Variants in SF3B1 observed in about 807,000 individuals in gnomAD.
SF3B1 encodes splicing factor 3b subunit 1.
Under a neutral mutation model 153.8 loss-of-function variants are expected in SF3B1, and 12 were observed. That is an observed-to-expected ratio of 0.08 (90% CI 0.05 to 0.13). SF3B1 has a LOEUF of 0.13. Among genes scored for constraint, SF3B1 ranks in the 10% least tolerant of loss-of-function variants. The pLI is 1.00. For synonymous variants in SF3B1, 498 were observed against 525.2 expected (o/e 0.95, Z 0.71); for missense variants, 513 against 1,606.1 (o/e 0.32, Z 11.63).
At chr2:197,417,360 T>G (rs1397036382) in intron 5 of SF3B1, among the ~76,000 whole-genome samples, 1 of 152,128 alleles carries the variant, frequency 6.6e-6, no homozygotes, top group Non-Finnish European at 1.5e-5. Flanking sequence ...GGATGCACAT[T>G]TAATTCACTC....
intron 9 of SF3B1, among the ~76,000 whole-genome samples, 195 bp from the exon 10 acceptor site, chr2:197,405,667 G>A (rs1281706123): frequency 3.3e-5 from 5 of 152,182 alleles, no homozygotes; most frequent in Admixed American, 2.0e-4. Flanking sequence ...GATTATATCC[G>A]TGGTGTAGGG....
At position 197,417,477 on chromosome 2, in the gene SF3B1, C is replaced by T. The variant is rs145633884; in HGVS notation, c.496-566G>A. Reference sequence around the variant, plus strand: ...AGGAGGCTGGGTACGGTGGCTCACACCTGTAATCCCAGCACTTTGAGAGGT... The same window carrying T: ...AGGAGGCTGGGTACGGTGGCTCACATCTGTAATCCCAGCACTTTGAGAGGT... On this transcript the variant is annotated intron_variant, in intron 5 of 24. Coordinates refer to ENST00000335508, the MANE Select transcript of SF3B1 (RefSeq NM_012433.4). Among the ~76,000 whole-genome samples, 517 of 151,166 alleles carry T rather than the reference C, an allele frequency of 3.4e-3. 3 individuals are homozygous for T. The highest frequency in any genetic ancestry group is 0.012 in the African/African-American group (493 of 41,126).
intron 11 of SF3B1, among the ~76,000 whole-genome samples, chr2:197,404,508 C>T (rs142887666): frequency 5.3e-5 from 8 of 151,946 alleles, no homozygotes; most frequent in East Asian, 1.9e-4. Flanking sequence ...ACCCAAGAGG[C>T]GGAGGTTGCA....
intron 6 of SF3B1, among the ~76,000 whole-genome samples, chr2:197,411,162 T>C (rs1255057993): frequency 6.6e-6 from 1 of 151,946 alleles, no homozygotes. Context: ...GGCTGAGAGG[T>C]GGGTTTAAGT....
rs2105988730 is a variant in SF3B1, at chr2:197,403,621, G to A, written c.1683C>T (p.Tyr561=). ...ATGGACGAACTAAGTCATCAAGTTTGTACAGTATCCTATCAATAACTTTCA... is the reference window on the plus strand; with the variant it reads ...ATGGACGAACTAAGTCATCAAGTTTATACAGTATCCTATCAATAACTTTCA... ...LLVKVIDRIL[Y]KLDDLVRPYV... The change falls in exon 12 of 25, where the codon TAC becomes TAT. Residue 561 remains tyrosine (Y), a synonymous_variant. Transcript: ENST00000335508. 6.3e-7 allele frequency: 1 copy of A among 1,586,912 alleles called. No individual in the cohort carries two copies. The highest frequency in any genetic ancestry group is 1.4e-5 in the African/African-American group (1 of 73,048).
chr2:197,425,308 A>C (rs1442941455), intron 1 of SF3B1, among the ~76,000 whole-genome samples: 1 of 152,160 alleles, frequency 6.6e-6, no homozygotes, highest in Non-Finnish European at 1.5e-5. Flanking sequence ...TCTACTAAAA[A>C]TACAAAAATT....
intron 9 of SF3B1, 94 bp downstream of exon 9, chr2:197,407,904 T>C (rs915432273): frequency 4.6e-6 from 5 of 1,084,972 alleles, no homozygotes; most frequent in Admixed American, 3.9e-5. Context: ...AATAGTAAAT[T>C]TGGGCAAAGC....
At chr2:197,432,928 T>G (rs1401753982) in intron 1 of SF3B1, among the ~76,000 whole-genome samples, 2 of 152,114 alleles carry the variant, frequency 1.3e-5, no homozygotes, top group African/African-American at 4.8e-5. Context: ...AATAAATAAA[T>G]AGTTATCAGT....
Position 197,396,283 on chromosome 2 carries a change from T to C in SF3B1, c.3312A>G (p.Gln1104=), listed in dbSNP as rs1303621140. Residue 1104 remains glutamine, a synonymous_variant, in exon 23 of 25, where the codon CAA becomes CAG. Transcript: ENST00000335508. The part of the protein sequence containing the change: ...LATLLNNLKV[Q]ERQNRVCTTV... ...TGGTACAAACTCTGTTCTGCCTTTCTTGAACTTTGAGGTTGTTCAGAAGTG... is the reference window on the plus strand; with the variant it reads ...TGGTACAAACTCTGTTCTGCCTTTCCTGAACTTTGAGGTTGTTCAGAAGTG... 3 of 1,614,022 alleles carry C rather than the reference T, an allele frequency of 1.9e-6. No homozygotes were observed. The highest frequency in any genetic ancestry group is 2.5e-6 in the Non-Finnish European group (3 of 1,179,920).
chr2:197,416,628 T>G, intron 6 of SF3B1, 113 bp downstream of exon 6: 1 of 873,016 alleles, frequency 1.1e-6, no homozygotes, highest in East Asian at 2.5e-5. Context: ...CAATGTCTGT[T>G]GTTTAAGGCA....
rs1343288303 is a variant in SF3B1, at chr2:197,401,652, G to GT, written c.2370+89dup. On this transcript the variant is annotated intron_variant, in intron 16 of 24. Coordinates refer to ENST00000335508, the MANE Select transcript of SF3B1 (RefSeq NM_012433.4). The surrounding 1 kb of genome is among the most constrained non-coding windows in gnomAD (Gnocchi z 4.2). ...TCAAACAGTATTCGTGTAACATACA[G>GT]TTTTTTTTGTTGATTTTTAAAAACA... 195 of 1,481,818 alleles carry GT rather than the reference G, an allele frequency of 1.3e-4. No individual in the cohort carries two copies. The highest frequency in any genetic ancestry group is 1.8e-4 in the Middle Eastern group (1 of 5,652). The allele number at this position is 1,481,818 out of a possible 1,614,324, so 91.8% of individuals were successfully genotyped here.
chr2:197,426,721 G>A (rs951940832), intron 1 of SF3B1, among the ~76,000 whole-genome samples: 13 of 152,132 alleles, frequency 8.5e-5, no homozygotes, highest in African/African-American at 2.9e-4. Flanking sequence ...AGGCTGTGAA[G>A]CCCAGGATTC....
At chr2:197,416,206 G>T (rs1387816317) in intron 6 of SF3B1, among the ~76,000 whole-genome samples, 2 of 151,722 alleles carry the variant, frequency 1.3e-5, no homozygotes, top group Non-Finnish European at 2.9e-5. Flanking sequence ...TGCCAGTAGT[G>T]AGGGGCTTAA....
At chr2:197,427,557 T>C (rs1050103543) in intron 1 of SF3B1, among the ~76,000 whole-genome samples, 1 of 152,234 alleles carries the variant, frequency 6.6e-6, no homozygotes, top group African/African-American at 2.4e-5. Flanking sequence ...AACAAATTAT[T>C]ACCATGACAT....
chr2:197,435,087 G>A (rs2106031525), upstream of SF3B1: 3 of 1,592,200 alleles, frequency 1.9e-6, no homozygotes, highest in Admixed American at 3.4e-5. Context: ...GCTGGGGGCT[G>A]CACTCTGCGC....
chr2:197,405,049 A>G (rs1432343722), intron 11 of SF3B1, 27 bp downstream of exon 11: 11 of 1,430,758 alleles, frequency 7.7e-6, no homozygotes, highest in Middle Eastern at 2.0e-4. Context: ...AGCAACAAAC[A>G]TGACAATTTA....
At chr2:197,413,227 CCT>C (rs1247206976) in intron 6 of SF3B1, among the ~76,000 whole-genome samples, 1 of 151,936 alleles carries the variant, frequency 6.6e-6, no homozygotes, top group East Asian at 1.9e-4. Flanking sequence ...ATGGAGAAAC[CCT>C]GTCTCTACTA....
intron 7 of SF3B1, 36 bp from the exon 8 acceptor site, chr2:197,408,617 A>C: frequency 7.7e-7 from 1 of 1,291,972 alleles, no homozygotes; most frequent in South Asian, 1.2e-5. Context: ...CCACAATTTT[A>C]ATCACTGTTA....
chr2:197,399,436 T>C (rs1046449390), intron 20 of SF3B1, among the ~76,000 whole-genome samples: 12 of 152,162 alleles, frequency 7.9e-5, no homozygotes, highest in South Asian at 4.1e-4. Context: ...AGATTAAATA[T>C]AAGAAACCAT....
Sources: allele counts gnomAD v4.1 joint callset (sites outside exome capture counted in the v4.1 genomes callset), GRCh38; gene constraint gnomAD v4.1.1; non-coding constraint Gnocchi (gnomAD v3.1); transcripts MANE v1.5; gene names NCBI Gene and HGNC (gene_info 2026-07-23, HGNC 2026-07-21).